The following ADGRG7 variants were observed in gnomAD, a reference collection of about 807,000 sequenced individuals.
ADGRG7 encodes the protein G-protein coupled receptor 128.
ADGRG7 carries 82 observed loss-of-function variants against 88.6 expected under a neutral mutation model. That is an observed-to-expected ratio of 0.93 (90% CI 0.77 to 1.11). The LOEUF is 1.11. ADGRG7 is among the 50% of genes most tolerant of loss of function. The pLI is 0.00. For synonymous variants in ADGRG7, 381 were observed against 345.2 expected (o/e 1.10, Z -1.15); for missense variants, 945 against 953.4 (o/e 0.99, Z 0.12).
chr3:100,680,552 T>C (rs1482462106), intron 15 of ADGRG7, among the ~76,000 whole-genome samples: 2 of 152,172 alleles, frequency 1.3e-5, no homozygotes, highest in African/African-American at 2.4e-5. Flanking sequence ...TGCCTACTTT[T>C]GGATACATTT....
chr3:100,628,493 G>A (rs1328711518), intron 1 of ADGRG7, among the ~76,000 whole-genome samples: 1 of 151,822 alleles, frequency 6.6e-6, no homozygotes, highest in Non-Finnish European at 1.5e-5. Context: ...CAAGTAACTG[G>A]GACTACAGGC....
intron 15 of ADGRG7, among the ~76,000 whole-genome samples, chr3:100,683,356 A>G (rs2094976664): frequency 6.6e-6 from 1 of 151,778 alleles, no homozygotes; most frequent in South Asian, 2.1e-4. Flanking sequence ...AGACCTAGGA[A>G]CTCCCTGAGC....
chr3:100,639,341 T>A (rs145917476), intron 6 of ADGRG7, among the ~76,000 whole-genome samples: 1 of 152,130 alleles, frequency 6.6e-6, no homozygotes, highest in Non-Finnish European at 1.5e-5. Context: ...TTCCTAGAAG[T>A]AGTTCTTAGT....
intron 15 of ADGRG7, 25 bp downstream of exon 15, chr3:100,669,130 T>C: frequency 6.7e-7 from 1 of 1,481,764 alleles, no homozygotes; most frequent in Non-Finnish European, 9.0e-7. Flanking sequence ...AGTCTGAAAG[T>C]AGCAGAACAC....
In ADGRG7 at chr3:100,661,197, C is replaced by T. The variant is rs111356925; in HGVS notation, c.1979+1354C>T. ...CTATTAAACACATATACTCTACCCT[C>T]CCTGACCCCATCTCCATAGCATAAA... On this transcript the variant is annotated intron_variant, in intron 14 of 15. Transcript: ENST00000273352. 8.6e-3 allele frequency among the ~76,000 whole-genome samples: 1,310 copies of T among 152,286 alleles called. 14 individuals carry two copies. The highest frequency in any genetic ancestry group is 0.019 in the African/African-American group (781 of 41,550).
intron 15 of ADGRG7, among the ~76,000 whole-genome samples, chr3:100,677,871 G>A (rs887089761): frequency 6.6e-6 from 1 of 151,898 alleles, no homozygotes; most frequent in Non-Finnish European, 1.5e-5. Flanking sequence ...CTTGACCTTT[G>A]GGAATTTTAT....
chr3:100,639,251 G>A (rs1001242771), intron 6 of ADGRG7, among the ~76,000 whole-genome samples: 1 of 151,020 alleles, frequency 6.6e-6, no homozygotes, highest in African/African-American at 2.5e-5. Context: ...TACATTGCTG[G>A]AAGTCTTTTA....
chr3:100,624,927 T>C (rs190028317), intron 1 of ADGRG7, among the ~76,000 whole-genome samples: 1 of 152,346 alleles, frequency 6.6e-6, no homozygotes, highest in East Asian at 1.9e-4. Context: ...CATGCTGTTT[T>C]GGTTATTGTA....
chr3:100,674,629 G>A (rs1471032310), intron 15 of ADGRG7, among the ~76,000 whole-genome samples: 2 of 149,192 alleles, frequency 1.3e-5, no homozygotes, highest in Non-Finnish European at 3.0e-5. Flanking sequence ...CCAGGCTGGA[G>A]TGCAGTGGTG....
intron 15 of ADGRG7, among the ~76,000 whole-genome samples, chr3:100,688,654 C>T (rs897647061): frequency 6.6e-4 from 101 of 152,138 alleles, no homozygotes; most frequent in Admixed American, 6.6e-5. Flanking sequence ...CATTCAGGAA[C>T]GGGTTGTTCA....
intron 6 of ADGRG7, among the ~76,000 whole-genome samples, chr3:100,642,294 G>A (rs1707653866): frequency 6.6e-6 from 1 of 152,110 alleles, no homozygotes; most frequent in African/African-American, 2.4e-5. Flanking sequence ...GCAGCTCTGG[G>A]GTATGTGTGA....
intron 5 of ADGRG7, among the ~76,000 whole-genome samples, chr3:100,636,899 A>G (rs969500971): frequency 1.3e-5 from 2 of 152,248 alleles, no homozygotes; most frequent in African/African-American, 2.4e-5. Context: ...TCTAACAGGT[A>G]TACTAAGTAT....
At chr3:100,673,097 C>T (rs1275029553) in intron 15 of ADGRG7, among the ~76,000 whole-genome samples, 2 of 152,162 alleles carry the variant, frequency 1.3e-5, no homozygotes, top group Non-Finnish European at 1.5e-5. Flanking sequence ...GGAGAATTCT[C>T]TCTCTTTCAA....
chr3:100,693,460 C>G (rs2094997265), intron 15 of ADGRG7, among the ~76,000 whole-genome samples: 1 of 152,144 alleles, frequency 6.6e-6, no homozygotes, highest in Non-Finnish European at 1.5e-5. Context: ...AATCAAGCTA[C>G]TTTTTCTACT....
At chr3:100,691,759 G>A (rs1315055906) in intron 15 of ADGRG7, among the ~76,000 whole-genome samples, 1 of 149,214 alleles carries the variant, frequency 6.7e-6, no homozygotes, top group Non-Finnish European at 1.5e-5. Context: ...TATCAACTAA[G>A]TGAATAAATA....
chr3:100,635,326 A>G (rs10755119), intron 4 of ADGRG7, among the ~76,000 whole-genome samples: 91,861 of 152,088 alleles, frequency 0.6, 29,646 homozygotes, highest in East Asian at 0.99. Flanking sequence ...AAAAATTGCT[A>G]TATACATCTC....
At chr3:100,666,097 G>A (rs1288723467) in intron 14 of ADGRG7, among the ~76,000 whole-genome samples, 1 of 151,570 alleles carries the variant, frequency 6.6e-6, no homozygotes, top group Non-Finnish European at 1.5e-5. Flanking sequence ...TGTCACCCAG[G>A]CTGGAGTGCA....
chr3:100,679,422 A>T (rs574797138), intron 15 of ADGRG7, among the ~76,000 whole-genome samples: 1 of 152,274 alleles, frequency 6.6e-6, no homozygotes, highest in South Asian at 2.1e-4. Flanking sequence ...AGACCCCAAG[A>T]GCCTGCTTGG....
intron 10 of ADGRG7, among the ~76,000 whole-genome samples, chr3:100,649,086 T>TA (rs1226988144): frequency 6.6e-6 from 1 of 152,210 alleles, no homozygotes; most frequent in Non-Finnish European, 1.5e-5. Flanking sequence ...CAGTTACACA[T>TA]AAAAATAATG....
Sources: gnomAD v4.1 joint callset for allele counts (sites outside exome capture counted in the v4.1 genomes callset) on GRCh38, gnomAD v4.1.1 for gene constraint, MANE v1.5 for transcripts, NCBI Gene and HGNC (gene_info 2026-07-23, HGNC 2026-07-21) for gene names.